Variants in TATDN3 observed in about 807,000 individuals in gnomAD.
The protein encoded by TATDN3 is deoxyribonuclease TATDN3.
TATDN3 carries 29 observed loss-of-function variants against 40.1 expected under a neutral mutation model. The ratio of observed to expected loss-of-function variants is 0.72; its 90% CI spans 0.54 to 0.99. TATDN3 has a LOEUF of 0.99. Ranked by LOEUF, TATDN3 falls within the 50% of genes least tolerant of loss-of-function variation. The pLI, the probability that TATDN3 is intolerant of heterozygous loss-of-function variation, is 0.00. For synonymous variants in TATDN3, 105 were observed against 117.0 expected (o/e 0.90, Z 0.66); for missense variants, 309 against 321.9 (o/e 0.96, Z 0.31).
chr1:212,796,868 C>A, intron 3 of TATDN3: 1 of 474,042 alleles, frequency 2.1e-6, no homozygotes. Flanking sequence ...TCCCAAGTAG[C>A]TGGGTCTAAA....
chr1:212,807,883 T>C (rs201502578), intron 8 of TATDN3, 35 bp downstream of exon 8: 1,028 of 1,366,062 alleles, frequency 7.5e-4, no homozygotes, highest in Non-Finnish European at 9.9e-4. Flanking sequence ...CTAATACTTA[T>C]GAAATAAAAT....
chr1:212,796,772 C>T lies in TATDN3; in HGVS notation c.173+182C>T. 6.0e-6 allele frequency: 3 copies of T among 500,958 alleles called. No individual in the cohort carries two copies. The South Asian group carries it at 1.3e-4, about 22-fold the overall frequency. 31.0% of individuals were successfully genotyped at this position (500,958 alleles called of 1,614,324 possible). A position where few individuals can be genotyped will look rare whatever the true frequency, so the allele number is the denominator to read the frequency against. ...TTTCTTTGAGAGATGGAGTCTTGCTCTGTCACCCAAGCTGGAGTGCAGTGG... is the reference window on the plus strand; with the variant it reads ...TTTCTTTGAGAGATGGAGTCTTGCTTTGTCACCCAAGCTGGAGTGCAGTGG... On this transcript the variant is annotated intron_variant, in intron 3 of 9. Coordinates refer to ENST00000366974, the MANE Select transcript of TATDN3 (RefSeq NM_001042552.3).
intron 8 of TATDN3, 140 bp downstream of exon 8, chr1:212,807,988 G>T: frequency 1.8e-6 from 1 of 562,392 alleles, no homozygotes; most frequent in Non-Finnish European, 3.0e-6. Context: ...ATATAAAAAT[G>T]AACTCAGAAA....
At chr1:212,799,697 C>G (rs1662051653) in intron 4 of TATDN3, among the ~76,000 whole-genome samples, 1 of 152,054 alleles carries the variant, frequency 6.6e-6, no homozygotes. Context: ...ACCACTACAC[C>G]CGGCTAATTT....
chr1:212,799,434 G>A (rs1208847761), intron 4 of TATDN3, among the ~76,000 whole-genome samples: 3 of 152,118 alleles, frequency 2.0e-5, no homozygotes, highest in Non-Finnish European at 4.4e-5. Context: ...AGCATTGGAG[G>A]TAGAGAAATG....
intron 1 of TATDN3, 85 bp downstream of exon 1, chr1:212,792,072 A>C: frequency 1.5e-6 from 2 of 1,362,078 alleles, no homozygotes; most frequent in Non-Finnish European, 2.1e-6. Flanking sequence ...CTCCCTTGGG[A>C]CGAAACCCCA....
chr1:212,798,536 C>CAAAAAAAAAA (rs11296428), intron 4 of TATDN3, among the ~76,000 whole-genome samples: 33 of 91,258 alleles, frequency 3.6e-4, no homozygotes, highest in African/African-American at 4.9e-4. Flanking sequence ...CTCAAAAACT[C>CAAAAAAAAAA]AAAAAAAAAA....
chr1:212,795,654 C>A (rs10863999), intron 2 of TATDN3, among the ~76,000 whole-genome samples: 1 of 151,974 alleles, frequency 6.6e-6, no homozygotes, highest in Non-Finnish European at 1.5e-5. Context: ...CTCAAGCAAT[C>A]TACCCACCTT....
At position 212,815,200 on chromosome 1, in the gene TATDN3, A is replaced by T. The variant is rs372183350; in HGVS notation, c.*44A>T. ...CAAAATCGAATCAACTGCAGGGGGCAGCATTTGAAAAATAGAAATGTTCTG... is the reference window on the plus strand; with the variant it reads ...CAAAATCGAATCAACTGCAGGGGGCTGCATTTGAAAAATAGAAATGTTCTG... On this transcript the variant is annotated 3_prime_UTR_variant, in exon 10 of 10. Coordinates refer to ENST00000366974, the MANE Select transcript of TATDN3 (RefSeq NM_001042552.3). The T allele has an allele frequency of 1.3e-6, 2 of 1,565,790 alleles. No homozygotes were observed. Among genetic ancestry groups the T allele is most frequent in the Non-Finnish European group, 1.7e-6 (2 of 1,160,946 alleles).
chr1:212,813,642 C>T (rs1247855706), intron 9 of TATDN3, among the ~76,000 whole-genome samples: 5 of 149,466 alleles, frequency 3.3e-5, no homozygotes, highest in Non-Finnish European at 7.4e-5. Context: ...ACAGCAACCT[C>T]GACTTTCTGG....
At chr1:212,806,686 T>C (rs1276316979) in intron 7 of TATDN3, among the ~76,000 whole-genome samples, 2 of 143,406 alleles carry the variant, frequency 1.4e-5, no homozygotes, top group African/African-American at 5.1e-5. Flanking sequence ...TGGCCAACAT[T>C]ATTGAATATT....
intron 4 of TATDN3, 188 bp downstream of exon 4, chr1:212,797,384 G>A: frequency 1.8e-6 from 1 of 559,374 alleles, no homozygotes; most frequent in Non-Finnish European, 3.2e-6. Flanking sequence ...CAGCCTAGAG[G>A]TTCAGAAACA....
chr1:212,795,134 C>A lies in TATDN3; in HGVS notation c.99+7C>A. The stretch of plus-strand genomic sequence containing the variant: ...GTTGGAGAAAGCCAAGAAGGTAAGT[C>A]AATATTTGTAATTGCTCTTTTGGTT... On this transcript the variant is annotated splice_region_variant and intron_variant, in intron 2 of 9. Coordinates refer to ENST00000366974, the MANE Select transcript of TATDN3 (RefSeq NM_001042552.3). The A allele has an allele frequency of 6.2e-7, 1 of 1,610,082 alleles. No homozygotes were observed. Among genetic ancestry groups the A allele is most frequent in the South Asian group, 1.1e-5 (1 of 90,700 alleles).
rs1558072276 is a variant in TATDN3 at position 212,791,956 on chromosome 1, A to AC, written c.36dup (p.Cys13LeufsTer9). The AC allele has an allele frequency of 6.2e-7, 1 of 1,614,010 alleles. No individual in the cohort carries two copies. The highest frequency in any genetic ancestry group is 1.7e-5 in the Admixed American group (1 of 60,010). The stretch of plus-strand genomic sequence containing the variant: ...GCTGGCGTAGGCTTGGTGGACTGTC[A>AC]CTGCCACCTCTCCGCCCCGGACTTT... On this transcript the variant is annotated frameshift_variant, in exon 1 of 10. Coordinates refer to ENST00000366974, the MANE Select transcript of TATDN3 (RefSeq NM_001042552.3). LOFTEE classifies it high-confidence loss of function.
At chr1:212,806,785 C>CACAT (rs1553257534) in intron 7 of TATDN3, among the ~76,000 whole-genome samples, 3 of 57,488 alleles carry the variant, frequency 5.2e-5, no homozygotes, top group African/African-American at 1.6e-4. Context: ...TATATATATA[C>CACAT]ACACACACAC....
At chr1:212,813,867 C>A (rs1663043027) in intron 9 of TATDN3, among the ~76,000 whole-genome samples, 1 of 152,008 alleles carries the variant, frequency 6.6e-6, no homozygotes, top group Non-Finnish European at 1.5e-5. Flanking sequence ...TGTGCCACCA[C>A]GCCCGGCTGA....
intron 8 of TATDN3, among the ~76,000 whole-genome samples, chr1:212,808,398 A>G (rs1211075867): frequency 6.6e-6 from 1 of 152,130 alleles, no homozygotes; most frequent in Non-Finnish European, 1.5e-5. Context: ...CTTCTTAGAT[A>G]GGTCATTAAA....
rs541875162 is a variant in TATDN3 at position 212,808,966 on chromosome 1, T to C, written c.600+1118T>C. On this transcript the variant is annotated intron_variant, in intron 8 of 9. Coordinates refer to ENST00000366974, the MANE Select transcript of TATDN3 (RefSeq NM_001042552.3). ...ACCTAGATTTCCGTCAGCTGATGAA[T>C]GGATAAATAAAATGTGCTATATCCA... is the stretch of plus-strand genomic sequence containing the variant. Among the ~76,000 whole-genome samples, 33 of 152,262 alleles carry C rather than the reference T, an allele frequency of 2.2e-4. 1 individual carries two copies. In the South Asian group the frequency reaches 3.7e-3, roughly 17 times the overall value.
At position 212,807,868 on chromosome 1, in the gene TATDN3, C is replaced by G. The variant is rs766588722; in HGVS notation, c.600+20C>G. On this transcript the variant is annotated intron_variant, in intron 8 of 9. Coordinates refer to ENST00000366974, the MANE Select transcript of TATDN3 (RefSeq NM_001042552.3). Reference sequence around the variant, plus strand: ...GGACAGGTAAATTTTTTCATTGAAACTCATCTAATACTTATGAAATAAAAT... The same window carrying G: ...GGACAGGTAAATTTTTTCATTGAAAGTCATCTAATACTTATGAAATAAAAT... The G allele has an allele frequency of 6.8e-7, 1 of 1,467,344 alleles. No homozygotes were observed. The highest frequency in any genetic ancestry group is 1.4e-5 in the African/African-American group (1 of 71,408). The allele number at this position is 1,467,344 out of a possible 1,614,324, so 90.9% of individuals were successfully genotyped here. A position where few individuals can be genotyped will look rare whatever the true frequency, so the allele number is the denominator to read the frequency against.
Sources: gnomAD v4.1 joint callset for allele counts (sites outside exome capture counted in the v4.1 genomes callset) on GRCh38, gnomAD v4.1.1 for gene constraint, MANE v1.5 for transcripts, NCBI Gene and HGNC (gene_info 2026-07-23, HGNC 2026-07-21) for gene names.